INSL6: variants seen among roughly 807,000 people sequenced by gnomAD.
The protein encoded by INSL6 is insulin-like peptide INSL6.
In INSL6, 16 loss-of-function variants were observed where a neutral mutation model predicts 9.4. The ratio of observed to expected loss-of-function variants is 1.70; its 90% confidence interval spans 1.15 to 2.59. The LOEUF is 2.59. Among genes scored for constraint, INSL6 ranks in the 30% most tolerant of loss-of-function variants. INSL6 has a pLI of 0.00. For synonymous variants in INSL6, 154 were observed against 96.9 expected, an observed-to-expected ratio of 1.59 and a Z score of -3.46; for missense variants, 391 against 257.3, an observed-to-expected ratio of 1.52 and a Z score of -3.56.
At chr9:5,094,147 A>G in the INSL6 span, 2 of 152,266 alleles carry the variant, frequency 1.3e-5, no homozygotes, top group East Asian at 1.9e-4. Context: ...TCTAATTGCT[A>G]TAGCATTCCT....
the INSL6 span, among the ~76,000 whole-genome samples, chr9:5,079,298 A>G: frequency 2.6e-5 from 4 of 152,198 alleles, no homozygotes; most frequent in African/African-American, 9.6e-5. Flanking sequence ...CTGTCTGTCT[A>G]TGTCAGAATA....
At chr9:5,114,809 T>C in the INSL6 span, 88 of 278,452 alleles carry the variant, frequency 3.2e-4, no homozygotes, top group African/African-American at 1.9e-3. Context: ...CCATTAAATG[T>C]CCTCCTGCCT....
At chr9:5,142,457 T>C (rs1217119651) in intron 2 of INSL6, among the ~76,000 whole-genome samples, 1 of 151,466 alleles carries the variant, frequency 6.6e-6, no homozygotes, top group Non-Finnish European at 1.5e-5. Context: ...TTCTAGCTAT[T>C]CTAACTGTGA....
the INSL6 span, among the ~76,000 whole-genome samples, chr9:5,046,120 A>G: frequency 6.6e-6 from 1 of 152,144 alleles, no homozygotes; most frequent in African/African-American, 2.4e-5. Context: ...ATACTTCTCT[A>G]ACAACCAGTG....
At chr9:5,067,384 A>G in the INSL6 span, among the ~76,000 whole-genome samples, 4 of 152,128 alleles carry the variant, frequency 2.6e-5, no homozygotes, top group East Asian at 5.8e-4. Context: ...TTATGAGGCA[A>G]TTTCATGGTA....
chr9:5,103,138 T>C, the INSL6 span, among the ~76,000 whole-genome samples: 1 of 145,918 alleles, frequency 6.9e-6, no homozygotes, highest in African/African-American at 2.6e-5. Context: ...CTGTGCTGTA[T>C]TCAGGAGACC....
downstream of INSL6, among the ~76,000 whole-genome samples, chr9:5,120,225 C>T (rs1408288574): frequency 6.6e-6 from 1 of 152,226 alleles, no homozygotes; most frequent in Non-Finnish European, 1.5e-5. Context: ...GGGCCAAATG[C>T]TGCATGAAGC....
chr9:5,046,140 A>G, the INSL6 span, among the ~76,000 whole-genome samples: 1 of 152,178 alleles, frequency 6.6e-6, no homozygotes, highest in Non-Finnish European at 1.5e-5. Context: ...GATCATGAGC[A>G]TCTTTTCATA....
At chr9:5,089,563 AAAGAC>A in the INSL6 span, 7 of 349,716 alleles carry the variant, frequency 2.0e-5, no homozygotes, top group South Asian at 1.2e-4. Flanking sequence ...AAAAAAAAAA[AAAGAC>A]AGTCTGCTAA....
chr9:5,068,040 G>C, the INSL6 span, among the ~76,000 whole-genome samples: 1 of 151,966 alleles, frequency 6.6e-6, no homozygotes, highest in Non-Finnish European at 1.5e-5. Context: ...CGCACCTGTA[G>C]TCCCAGCTAC....
chr9:5,028,497 A>G, the INSL6 span, among the ~76,000 whole-genome samples: 1 of 152,248 alleles, frequency 6.6e-6, no homozygotes, highest in African/African-American at 2.4e-5. Context: ...CACTTGTTGC[A>G]TTAGCTCCTC....
chr9:5,081,806 G>A, the INSL6 span: 39 of 1,612,700 alleles, frequency 2.4e-5, no homozygotes, highest in Middle Eastern at 1.6e-4. Context: ...TTTGAAGACC[G>A]GGATCCTACA....
chr9:5,055,694 C>A, the INSL6 span: 1 of 1,580,884 alleles, frequency 6.3e-7, no homozygotes, highest in South Asian at 1.1e-5. Flanking sequence ...TGCGATTTTC[C>A]TAATATTATT....
the INSL6 span, among the ~76,000 whole-genome samples, chr9:5,083,064 T>C: frequency 6.6e-6 from 1 of 152,234 alleles, no homozygotes; most frequent in East Asian, 1.9e-4. Context: ...GGAAGATGAA[T>C]TAGGCAGTAT....
chr9:5,057,519 C>G, the INSL6 span, among the ~76,000 whole-genome samples: 1 of 151,634 alleles, frequency 6.6e-6, no homozygotes, highest in Non-Finnish European at 1.5e-5. Context: ...AGTCTACACC[C>G]ATTAAATAAA....
At chr9:5,007,255 C>T in the INSL6 span, among the ~76,000 whole-genome samples, 1 of 152,078 alleles carries the variant, frequency 6.6e-6, no homozygotes, top group Admixed American at 6.5e-5. Context: ...TTATGAATAT[C>T]TTAGTATACA....
At chr9:4,993,161 C>T in the INSL6 span, among the ~76,000 whole-genome samples, 1 of 152,178 alleles carries the variant, frequency 6.6e-6, no homozygotes, top group Non-Finnish European at 1.5e-5. Flanking sequence ...GCCATACCCA[C>T]AAATCTCTTT....
the INSL6 span, chr9:5,098,485 A>G: frequency 6.6e-6 from 1 of 152,104 alleles, no homozygotes; most frequent in Non-Finnish European, 1.5e-5. Context: ...CTCACAACAA[A>G]ATTAACTCAT....
At chr9:5,033,857 G>T in the INSL6 span, among the ~76,000 whole-genome samples, 20 of 152,088 alleles carry the variant, frequency 1.3e-4, no homozygotes, top group African/African-American at 4.3e-4. Flanking sequence ...ACCAGGTAAC[G>T]TCATAAAGAC....
Sources: gnomAD v4.1 joint callset for allele counts (sites outside exome capture counted in the v4.1 genomes callset) on GRCh38, gnomAD v4.1.1 for gene constraint, MANE v1.5 for transcripts, NCBI Gene and HGNC (gene_info 2026-07-23, HGNC 2026-07-21) for gene names.